Variants in TBC1D5 observed in about 807,000 individuals in gnomAD.
TBC1D5 encodes TBC1 domain family member 5.
A neutral mutation model predicts 100.3 loss-of-function variants in TBC1D5; 75 were observed. The observed-to-expected ratio is 0.75, with a 90% CI of 0.62 to 0.91. The LOEUF is 0.91. Among genes scored for constraint, TBC1D5 ranks in the 40% least tolerant of loss-of-function variants. The pLI is 0.00. For missense variants in TBC1D5, 910 were observed against 942.4 expected, an observed-to-expected ratio of 0.97 and a Z score of 0.45; for synonymous variants, 323 against 325.6, an observed-to-expected ratio of 0.99 and a Z score of 0.09.
intron 14 of TBC1D5, among the ~76,000 whole-genome samples, chr3:17,299,448 T>C (rs2082596934): frequency 6.6e-6 from 1 of 152,198 alleles, no homozygotes; most frequent in Non-Finnish European, 1.5e-5. Context: ...TATGATACTA[T>C]AATGATGGAT....
At chr3:17,651,743 G>A (rs1017131755) in intron 1 of TBC1D5, among the ~76,000 whole-genome samples, 32 of 151,856 alleles carry the variant, frequency 2.1e-4, no homozygotes, top group Non-Finnish European at 2.9e-4. Flanking sequence ...CACTCCAGGA[G>A]AAACCACTGG....
At chr3:17,570,779 TAC>T (rs1183638906) in intron 2 of TBC1D5, among the ~76,000 whole-genome samples, 1 of 152,052 alleles carries the variant, frequency 6.6e-6, no homozygotes, top group African/African-American at 2.4e-5. Context: ...ATAATGTCGA[TAC>T]AGTTGTTCAT....
At chr3:17,677,783 T>C (rs947738700) in intron 1 of TBC1D5, among the ~76,000 whole-genome samples, 3 of 152,218 alleles carry the variant, frequency 2.0e-5, no homozygotes, top group African/African-American at 7.2e-5. Flanking sequence ...TAAGAAAATG[T>C]GGCACATATA....
chr3:17,498,098 T>C lies in TBC1D5; in HGVS notation c.97+10376A>G, dbSNP rs940102320. Among the ~76,000 whole-genome samples the C allele has an allele frequency of 2.6e-5, 4 of 152,142 alleles. No individual in the cohort carries two copies. In the East Asian group the frequency reaches 7.7e-4, roughly 29 times the overall value. On this transcript the variant is annotated intron_variant, in intron 3 of 21. Transcript: ENST00000253692. ...TAATATTAATTTTTATGATTTATGATTTTCTTAATTTCTTCCATTTAAAAC... is the reference window on the plus strand; with the variant it reads ...TAATATTAATTTTTATGATTTATGACTTTCTTAATTTCTTCCATTTAAAAC...
chr3:17,724,004 A>G (rs1244876162), intron 1 of TBC1D5, among the ~76,000 whole-genome samples: 1 of 151,950 alleles, frequency 6.6e-6, no homozygotes, highest in Non-Finnish European at 1.5e-5. Context: ...CTATCTGAAA[A>G]TGTCTATTTC....
chr3:17,427,778 G>A (rs563043054), intron 4 of TBC1D5, among the ~76,000 whole-genome samples: 4 of 151,828 alleles, frequency 2.6e-5, no homozygotes, highest in Non-Finnish European at 4.4e-5. Flanking sequence ...TCTGTATACA[G>A]ATTTTCAAGT....
chr3:17,615,457 T>C (rs2062067404), intron 2 of TBC1D5, among the ~76,000 whole-genome samples: 1 of 152,236 alleles, frequency 6.6e-6, no homozygotes, highest in Non-Finnish European at 1.5e-5. Context: ...TCAGAAGGAA[T>C]GGTACCAGCT....
intron 1 of TBC1D5, among the ~76,000 whole-genome samples, chr3:17,733,465 G>A (rs1454391605): frequency 1.3e-5 from 2 of 152,018 alleles, no homozygotes; most frequent in African/African-American, 4.8e-5. Flanking sequence ...CAAGTTCTAA[G>A]GAAATAAAAG....
intron 18 of TBC1D5, among the ~76,000 whole-genome samples, chr3:17,199,223 A>C (rs983524261): frequency 6.6e-6 from 1 of 152,236 alleles, no homozygotes; most frequent in African/African-American, 2.4e-5. Flanking sequence ...TCTGGTCATA[A>C]CAGAGGACTG....
intron 1 of TBC1D5, among the ~76,000 whole-genome samples, chr3:17,666,886 C>A (rs1560416555): frequency 6.6e-6 from 1 of 151,970 alleles, no homozygotes. Context: ...AACATTATAA[C>A]AATTACTAGT....
intron 15 of TBC1D5, among the ~76,000 whole-genome samples, chr3:17,275,390 A>G (rs537203790): frequency 2.6e-5 from 4 of 152,202 alleles, no homozygotes; most frequent in Admixed American, 2.6e-4. Context: ...GAGTGAAAAA[A>G]AATTAGCCAG....
At position 17,730,768 on chromosome 3, in the gene TBC1D5, T is replaced by C. The variant is rs539119198; in HGVS notation, c.-101+8575A>G. On this transcript the variant is annotated intron_variant, in intron 1 of 21. Transcript: ENST00000253692. ...TATTTACTGCTGTATTTTTAACACA[T>C]AGAACAGTACCTGGTATTGGACATC... 5.3e-5 allele frequency among the ~76,000 whole-genome samples: 8 copies of C among 152,180 alleles called. No individual in the cohort carries two copies. In the South Asian group the frequency reaches 6.2e-4, roughly 12 times the overall value.
chr3:17,389,691 C>T (rs2093291888), intron 8 of TBC1D5, among the ~76,000 whole-genome samples: 1 of 152,104 alleles, frequency 6.6e-6, no homozygotes, highest in African/African-American at 2.4e-5. Flanking sequence ...GATGAGCCAT[C>T]CTACTGAGCC....
intron 18 of TBC1D5, among the ~76,000 whole-genome samples, chr3:17,187,362 T>G (rs997552901): frequency 3.9e-5 from 6 of 152,206 alleles, no homozygotes; most frequent in African/African-American, 1.4e-4. Context: ...TAAAGAAGTT[T>G]AGGCTACAAT....
chr3:17,546,202 T>C (rs774114342), intron 2 of TBC1D5, among the ~76,000 whole-genome samples: 1 of 152,180 alleles, frequency 6.6e-6, no homozygotes, highest in Non-Finnish European at 1.5e-5. Context: ...ATTCTTGATC[T>C]GTAGCTGCCT....
chr3:17,727,492 A>G (rs924508191), intron 1 of TBC1D5, among the ~76,000 whole-genome samples: 1 of 152,262 alleles, frequency 6.6e-6, no homozygotes, highest in African/African-American at 2.4e-5. Flanking sequence ...CAAGAAACAG[A>G]GTCATAAGAA....
chr3:17,176,652 G>A (rs1202556634), intron 19 of TBC1D5, among the ~76,000 whole-genome samples: 5 of 152,038 alleles, frequency 3.3e-5, no homozygotes, highest in Non-Finnish European at 5.9e-5. Context: ...GCCTGTTGGA[G>A]GGTGAGGGGC....
intron 1 of TBC1D5, among the ~76,000 whole-genome samples, chr3:17,678,767 A>T (rs2069036417): frequency 1.3e-5 from 2 of 151,008 alleles, no homozygotes; most frequent in South Asian, 2.1e-4. Context: ...AGATTCATTT[A>T]AAAAAATGAA....
chr3:17,720,860 G>A (rs1422654963), intron 1 of TBC1D5, among the ~76,000 whole-genome samples: 2 of 150,486 alleles, frequency 1.3e-5, no homozygotes, highest in Non-Finnish European at 3.0e-5. Context: ...TGTTTTTTGA[G>A]ATGGAGTCTC....
Sources: allele counts gnomAD v4.1 joint callset (sites outside exome capture counted in the v4.1 genomes callset), GRCh38; gene constraint gnomAD v4.1.1; transcripts MANE v1.5; gene names NCBI Gene and HGNC (gene_info 2026-07-23, HGNC 2026-07-21).